GLCE: variants seen among roughly 807,000 people sequenced by gnomAD.
GLCE encodes the protein D-glucuronyl C5-epimerase.
GLCE carries 19 observed loss-of-function variants against 47.9 expected under a neutral mutation model. That is an observed-to-expected ratio of 0.40 (90% confidence interval 0.28 to 0.58). The LOEUF (loss-of-function observed/expected upper bound fraction) is 0.58. Among genes scored for constraint, GLCE ranks in the 20% least tolerant of loss-of-function variants. The pLI is 0.48. For synonymous variants in GLCE, 245 were observed against 263.4 expected, an observed-to-expected ratio of 0.93 and a Z score of 0.68; for missense variants, 556 against 743.3, an observed-to-expected ratio of 0.75 and a Z score of 2.93.
chr15:69,222,849 A>G (rs1223193554), intron 2 of GLCE, among the ~76,000 whole-genome samples: 1 of 152,180 alleles, frequency 6.6e-6, no homozygotes, highest in Non-Finnish European at 1.5e-5. Flanking sequence ...ATAATTTCAC[A>G]TTCCTGTTTG....
At chr15:69,223,858 A>G (rs890133355) in intron 2 of GLCE, among the ~76,000 whole-genome samples, 3 of 151,938 alleles carry the variant, frequency 2.0e-5, no homozygotes, top group Non-Finnish European at 2.9e-5. Flanking sequence ...CTTTGAATCT[A>G]TATAGTGAAT....
intron 3 of GLCE, 63 bp from the exon 4 acceptor site, chr15:69,261,024 G>A: frequency 1.4e-6 from 2 of 1,452,862 alleles, no homozygotes; most frequent in Admixed American, 3.7e-5. Context: ...AGTGAGGAAT[G>A]GTATTAGGAA....
chr15:69,239,064 C>G (rs554900172), intron 2 of GLCE, among the ~76,000 whole-genome samples: 2 of 152,250 alleles, frequency 1.3e-5, no homozygotes, highest in Admixed American at 6.5e-5. Flanking sequence ...CTCCCAGGGT[C>G]TGTTTTCTCC....
In GLCE at chr15:69,271,804, ACCAT is replaced by A. The variant is rs1347802435; in HGVS notation, c.*2564_*2567del. ...TTGTACATAAAGGCTTCATCCACGAACCATCCAGCGCACAGAAGCAAGTGCAAAA... is the reference window on the plus strand; with the variant it reads ...TTGTACATAAAGGCTTCATCCACGAACCAGCGCACAGAAGCAAGTGCAAAA... On this transcript the variant is annotated 3_prime_UTR_variant, in exon 5 of 5. Coordinates refer to ENST00000261858, the MANE Select transcript of GLCE (RefSeq NM_015554.3). 6.6e-6 allele frequency: 1 copy of A among 152,632 alleles called. No homozygotes were observed. The highest frequency in any genetic ancestry group is 2.4e-5 in the African/African-American group (1 of 41,438). The allele number at this position is 152,632 out of a possible 1,614,324, so 9.5% of individuals were successfully genotyped here. A position where few individuals can be genotyped will look rare whatever the true frequency, so the allele number is the denominator to read the frequency against.
chr15:69,169,846 A>G lies in GLCE; in HGVS notation c.-105+9089A>G, dbSNP rs147611088. On this transcript the variant is annotated intron_variant, in intron 1 of 4. Transcript: ENST00000261858. ...CTTTGCTATTGTGAATAGTGCCGCA[A>G]TAAACATACGAACACACATAATTCT... is the stretch of plus-strand genomic sequence containing the variant. 1.0e-3 allele frequency among the ~76,000 whole-genome samples: 155 copies of G among 152,292 alleles called. 3 individuals are homozygous for G. In the East Asian group the frequency reaches 0.024, roughly 24 times the overall value.
intron 1 of GLCE, chr15:69,196,268 G>T (rs2051990108): frequency 6.5e-6 from 1 of 152,924 alleles, no homozygotes; most frequent in Non-Finnish European, 1.5e-5. Flanking sequence ...AGACATAATT[G>T]CGGTTTTTGC....
chr15:69,191,537 A>C (rs574427970), intron 1 of GLCE, among the ~76,000 whole-genome samples: 1 of 152,290 alleles, frequency 6.6e-6, no homozygotes, highest in South Asian at 2.1e-4. Context: ...TTAACAATGA[A>C]TTGTGACAAC....
chr15:69,254,706 A>C, intron 2 of GLCE, among the ~76,000 whole-genome samples: 1 of 152,190 alleles, frequency 6.6e-6, no homozygotes, highest in Non-Finnish European at 1.5e-5. Context: ...ATTGAGGAAA[A>C]GATTGGGAGT....
intron 1 of GLCE, among the ~76,000 whole-genome samples, chr15:69,194,777 A>G (rs1354944093): frequency 6.6e-6 from 1 of 151,988 alleles, no homozygotes; most frequent in African/African-American, 2.4e-5. Flanking sequence ...AATTTTCTTT[A>G]TTTTTATTTT....
chr15:69,269,971 AG>A lies in GLCE; in HGVS notation c.*728del, dbSNP rs1412706841. On this transcript the variant is annotated 3_prime_UTR_variant, in exon 5 of 5. Coordinates refer to ENST00000261858, the MANE Select transcript of GLCE (RefSeq NM_015554.3). ...TGAAACTTGATCTACAATCAGTAAA[AG>A]TTTGATAATCAGTATATCCCTTCCC... 6.5e-5 allele frequency: 10 copies of A among 152,788 alleles called. No individual in the cohort carries two copies. The highest frequency in any genetic ancestry group is 2.4e-4 in the African/African-American group (10 of 41,582). The allele number at this position is 152,788 out of a possible 1,614,324, so 9.5% of individuals were successfully genotyped here.
chr15:69,231,404 C>T (rs1042035319), intron 2 of GLCE, among the ~76,000 whole-genome samples: 2 of 152,016 alleles, frequency 1.3e-5, no homozygotes, highest in Non-Finnish European at 2.9e-5. Context: ...CTGCCTCAGC[C>T]TCCCAAGTTG....
chr15:69,266,233 C>A (rs1037632224), intron 4 of GLCE, among the ~76,000 whole-genome samples: 6 of 152,132 alleles, frequency 3.9e-5, no homozygotes, highest in Non-Finnish European at 8.8e-5. Flanking sequence ...CAAATATAAC[C>A]ATACTGCTTG....
intron 2 of GLCE, among the ~76,000 whole-genome samples, chr15:69,231,776 A>G (rs7162356): frequency 6.6e-6 from 1 of 151,796 alleles, no homozygotes; most frequent in Non-Finnish European, 1.5e-5. Flanking sequence ...TCAGATATCT[A>G]TCTATCTTTT....
intron 1 of GLCE, among the ~76,000 whole-genome samples, chr15:69,183,882 G>C (rs1259570925): frequency 6.6e-6 from 1 of 152,190 alleles, no homozygotes; most frequent in Non-Finnish European, 1.5e-5. Flanking sequence ...ACTTGAGAAA[G>C]CTTCAGGGGA....
At chr15:69,162,693 C>CA (rs923078511) in intron 1 of GLCE, among the ~76,000 whole-genome samples, 21 of 152,166 alleles carry the variant, frequency 1.4e-4, no homozygotes, top group African/African-American at 4.8e-4. Context: ...TCCCCACCCC[C>CA]AGTAGAGGAG....
At chr15:69,223,093 A>G (rs1259602877) in intron 2 of GLCE, among the ~76,000 whole-genome samples, 1 of 152,224 alleles carries the variant, frequency 6.6e-6, no homozygotes, top group Non-Finnish European at 1.5e-5. Context: ...GGTTGTATAG[A>G]AAACAAAAAG....
At chr15:69,176,730 C>T (rs1259063564) in intron 1 of GLCE, among the ~76,000 whole-genome samples, 1 of 152,144 alleles carries the variant, frequency 6.6e-6, no homozygotes, top group Non-Finnish European at 1.5e-5. Context: ...TTTAACAGTG[C>T]CTCATACATA....
chr15:69,241,965 GAACCAA>G (rs2052677465), intron 2 of GLCE, among the ~76,000 whole-genome samples: 1 of 152,166 alleles, frequency 6.6e-6, no homozygotes, highest in South Asian at 2.1e-4. Context: ...ATAAAGCTTA[GAACCAA>G]AAGACCACCT....
intron 1 of GLCE, among the ~76,000 whole-genome samples, chr15:69,185,918 C>G (rs1028645352): frequency 6.6e-6 from 1 of 152,136 alleles, no homozygotes; most frequent in African/African-American, 2.4e-5. Context: ...TTGGGTTCCT[C>G]TTTGGGCCCA....
Sources: gnomAD v4.1 joint callset for allele counts (sites outside exome capture counted in the v4.1 genomes callset) on GRCh38, gnomAD v4.1.1 for gene constraint, MANE v1.5 for transcripts, NCBI Gene and HGNC (gene_info 2026-07-23, HGNC 2026-07-21) for gene names.